The following LRPAP1 variants were observed in gnomAD, a reference collection of about 807,000 sequenced individuals.
LRPAP1 encodes the protein LDL receptor related protein associated protein 1.
A neutral mutation model predicts 39.9 loss-of-function variants in LRPAP1; 41 were observed. The observed-to-expected ratio is 1.03, with a 90% CI of 0.80 to 1.33. The LOEUF (loss-of-function observed/expected upper bound fraction) is 1.33. LRPAP1 is among the 40% of genes most tolerant of loss of function. LRPAP1 has a pLI of 0.00. For synonymous variants in LRPAP1, 263 were observed against 212.7 expected (o/e 1.24, Z -2.06); for missense variants, 565 against 482.3 (o/e 1.17, Z -1.61).
Position 3,512,408 on chromosome 4 carries a change from T to C in LRPAP1, c.*566A>G, listed in dbSNP as rs1729555896. 6.5e-6 allele frequency: 1 copy of C among 153,898 alleles called. No homozygotes were observed. Among genetic ancestry groups the C allele is most frequent in the Non-Finnish European group, 1.4e-5 (1 of 69,194 alleles). 9.5% of individuals were successfully genotyped at this position (153,898 alleles called of 1,614,324 possible). On this transcript the variant is annotated 3_prime_UTR_variant, in exon 8 of 8. Transcript: ENST00000650182. Reference sequence around the variant, plus strand: ...TTCCCCTCAAACTCAACTCAAGCGCTCTTGGCTTTAAATCAGGCCGGGCCG... The same window carrying C: ...TTCCCCTCAAACTCAACTCAAGCGCCCTTGGCTTTAAATCAGGCCGGGCCG...
chr4:3,526,795 C>T (rs773017172), intron 1 of LRPAP1, among the ~76,000 whole-genome samples: 8 of 152,222 alleles, frequency 5.3e-5, no homozygotes, highest in Non-Finnish European at 1.2e-4. Flanking sequence ...GGAAGGAGAC[C>T]CCTGACCACA....
At chr4:3,515,596 C>A (rs1273622904) in intron 6 of LRPAP1, among the ~76,000 whole-genome samples, 3 of 152,132 alleles carry the variant, frequency 2.0e-5, no homozygotes, top group Non-Finnish European at 4.4e-5. Flanking sequence ...TCAAGGCTGC[C>A]CACCCAGGAC....
rs566286896 is a variant in LRPAP1, at chr4:3,507,828, C to G, written c.*5146G>C. ...ATCTGTAAAAATGATAAACTCTTAG[C>G]TAGTCTGATCAGGGGGAAAAGAAAA... On this transcript the variant is annotated 3_prime_UTR_variant, in exon 8 of 8. Transcript: ENST00000650182. 1 of 152,230 alleles carries G rather than the reference C, an allele frequency of 6.6e-6. No individual in the cohort carries two copies. The highest frequency in any genetic ancestry group is 2.1e-4 in the South Asian group (1 of 4,818). 9.4% of individuals were successfully genotyped at this position (152,230 alleles called of 1,614,324 possible).
rs1280095049 is a variant in LRPAP1, at chr4:3,516,201, G to A, written c.752-3C>T. On this transcript the variant is annotated splice_region_variant and splice_polypyrimidine_tract_variant and intron_variant, in intron 5 of 7. Transcript: ENST00000650182. The stretch of plus-strand genomic sequence containing the variant: ...AATCACCCTGGGCTCCTCGAACTCT[G>A]CAGGGGAGGAGCAAGAGTGGCCTCA... The A allele has an allele frequency of 1.3e-6, 2 of 1,566,246 alleles. No individual in the cohort carries two copies. The highest frequency in any genetic ancestry group is 2.3e-5 in the South Asian group (2 of 85,188).
chr4:3,515,178 C>G (rs1472506280), intron 6 of LRPAP1, among the ~76,000 whole-genome samples: 2 of 152,138 alleles, frequency 1.3e-5, no homozygotes, highest in African/African-American at 4.8e-5. Flanking sequence ...CCCCGCCCCC[C>G]GAATCTAGGG....
At position 3,518,791 on chromosome 4, in the gene LRPAP1, C is replaced by A. The variant is rs1322216910; in HGVS notation, c.592+80G>T. ...GGGAGCTGAGGCTGCCCACTGAGCA[C>A]AACGAGCCTCAGGTGCAGGAGGGGT... On this transcript the variant is annotated intron_variant, in intron 4 of 7. Transcript: ENST00000650182. 34 of 1,008,680 alleles carry A rather than the reference C, an allele frequency of 3.4e-5. No individual in the cohort carries two copies. In the Middle Eastern group the frequency reaches 1.3e-3, roughly 37 times the overall value. The allele number at this position is 1,008,680 out of a possible 1,614,324, so 62.5% of individuals were successfully genotyped here. A position where few individuals can be genotyped will look rare whatever the true frequency, so the allele number is the denominator to read the frequency against.
rs187536578 is a variant in LRPAP1, at chr4:3,516,103, C to T, written c.834+13G>A. ...CAGGAGAGAGCTAGAAGGAGAGGGC[C>T]GTGTTTCCTTACCCGGAACGCCTCC... On this transcript the variant is annotated intron_variant, in intron 6 of 7. Transcript: ENST00000650182. 28 of 1,563,140 alleles carry T rather than the reference C, an allele frequency of 1.8e-5. No individual in the cohort carries two copies. Among genetic ancestry groups the T allele is most frequent in the Admixed American group, 9.6e-5 (5 of 51,974 alleles).
chr4:3,513,894 C>T (rs552710805), intron 7 of LRPAP1, among the ~76,000 whole-genome samples: 50 of 152,374 alleles, frequency 3.3e-4, no homozygotes, highest in African/African-American at 1.1e-3. Context: ...AATAACTCAC[C>T]GAAGGTCCCT....
chr4:3,520,671 G>C (rs1169190866), intron 2 of LRPAP1, among the ~76,000 whole-genome samples: 2 of 152,258 alleles, frequency 1.3e-5, no homozygotes, highest in Admixed American at 1.3e-4. Context: ...ACTGTGCAGG[G>C]TGGCAGGGCT....
chr4:3,530,094 G>A (rs1730203724), intron 1 of LRPAP1, among the ~76,000 whole-genome samples: 1 of 152,160 alleles, frequency 6.6e-6, no homozygotes, highest in Non-Finnish European at 1.5e-5. Context: ...GAAGCCGACT[G>A]GAGTGACTAT....
intron 2 of LRPAP1, among the ~76,000 whole-genome samples, chr4:3,520,663 T>C (rs1042181884): frequency 1.3e-5 from 2 of 152,250 alleles, no homozygotes; most frequent in African/African-American, 4.8e-5. Context: ...ACCTGCAGAC[T>C]GTGCAGGGTG....
chr4:3,522,091 T>C (rs1407941523), intron 2 of LRPAP1, among the ~76,000 whole-genome samples: 2 of 152,252 alleles, frequency 1.3e-5, no homozygotes, highest in Non-Finnish European at 2.9e-5. Flanking sequence ...CTCCTGGCCT[T>C]AGAAAGCCAG....
intron 5 of LRPAP1, 35 bp from the exon 6 acceptor site, chr4:3,516,233 C>A: frequency 6.6e-7 from 1 of 1,520,812 alleles, no homozygotes; most frequent in Non-Finnish European, 8.9e-7. Context: ...CTCAGCAGCA[C>A]CCGGGGTGCA....
intron 1 of LRPAP1, among the ~76,000 whole-genome samples, chr4:3,527,585 C>T (rs1174544279): frequency 6.6e-6 from 1 of 152,252 alleles, no homozygotes; most frequent in Non-Finnish European, 1.5e-5. Flanking sequence ...GCGAGGCCCA[C>T]AGTGATGGTC....
At chr4:3,516,247 C>T (rs954225480) in intron 5 of LRPAP1, 49 bp from the exon 6 acceptor site, 2 of 1,449,478 alleles carry the variant, frequency 1.4e-6, no homozygotes, top group African/African-American at 1.4e-5. Flanking sequence ...GGGTGCACAC[C>T]ACAGCCAGCC....
At position 3,504,110 on chromosome 4, in the gene LRPAP1, G is replaced by T. The variant is rs907685888; in HGVS notation, c.*8864C>A. On this transcript the variant is annotated 3_prime_UTR_variant, in exon 8 of 8. Coordinates refer to ENST00000650182, the MANE Select transcript of LRPAP1 (RefSeq NM_002337.4). Reference sequence around the variant, plus strand: ...CAAATCTAGGCCCTGAGGGTGAATCGGTACCAACCCCCTCGCCCTATCCTG... The same window carrying T: ...CAAATCTAGGCCCTGAGGGTGAATCTGTACCAACCCCCTCGCCCTATCCTG... The T allele has an allele frequency of 6.6e-6, 1 of 152,308 alleles. No individual in the cohort carries two copies. Among genetic ancestry groups the T allele is most frequent in the Non-Finnish European group, 1.5e-5 (1 of 68,096 alleles). 9.4% of individuals were successfully genotyped at this position (152,308 alleles called of 1,614,324 possible).
intron 3 of LRPAP1, 60 bp downstream of exon 3, chr4:3,520,012 G>C: frequency 6.3e-7 from 1 of 1,586,850 alleles, no homozygotes; most frequent in Non-Finnish European, 8.6e-7. Context: ...CACAGCCCCC[G>C]CCTTAACACT....
chr4:3,519,988 CAG>C (rs1729855415), intron 3 of LRPAP1, 82 bp downstream of exon 3: 1 of 1,538,528 alleles, frequency 6.5e-7, no homozygotes, highest in Non-Finnish European at 8.9e-7. Context: ...CCATGCAGAG[CAG>C]AGACTGCCCC....
rs1037527829 is a variant in LRPAP1 at position 3,512,345 on chromosome 4, C to G, written c.*629G>C. 1.3e-5 allele frequency: 2 copies of G among 152,492 alleles called. No homozygotes were observed. Among genetic ancestry groups the G allele is most frequent in the African/African-American group, 4.8e-5 (2 of 41,454 alleles). 9.4% of individuals were successfully genotyped at this position (152,492 alleles called of 1,614,324 possible). The stretch of plus-strand genomic sequence containing the variant: ...GTTGAAAGACGCTGCCCCCAGGCCA[C>G]AGTCTCTGACTGTCCACAGAACCAC... On this transcript the variant is annotated 3_prime_UTR_variant, in exon 8 of 8. Transcript: ENST00000650182.
Sources: gnomAD v4.1 joint callset for allele counts (sites outside exome capture counted in the v4.1 genomes callset) on GRCh38, gnomAD v4.1.1 for gene constraint, MANE v1.5 for transcripts, NCBI Gene and HGNC (gene_info 2026-07-23, HGNC 2026-07-21) for gene names.